The following NUMA1 variants were observed in gnomAD, a reference collection of about 807,000 sequenced individuals.
The protein encoded by NUMA1 is SP-H antigen.
In NUMA1, 62 loss-of-function variants were observed where a neutral mutation model predicts 237.1. That is an observed-to-expected ratio of 0.26 (90% CI 0.21 to 0.32). The LOEUF is 0.32. Among genes scored for constraint, NUMA1 ranks in the 10% least tolerant of loss-of-function variants. The pLI, the probability that NUMA1 is intolerant of heterozygous loss-of-function variation, is 1.00. For missense variants in NUMA1, 2,533 were observed against 2,666.5 expected (o/e 0.95, Z 1.10); for synonymous variants, 1,028 against 1,066.1 (o/e 0.96, Z 0.70).
intron 4 of NUMA1, among the ~76,000 whole-genome samples, chr11:72,026,571 T>C (rs1432746329): frequency 6.6e-6 from 1 of 152,154 alleles, no homozygotes; most frequent in African/African-American, 2.4e-5. Flanking sequence ...GTCAGAGGGG[T>C]TGATCCCAGT....
intron 7 of NUMA1, 45 bp downstream of exon 7, chr11:72,022,294 G>C: frequency 1.5e-6 from 2 of 1,330,388 alleles, no homozygotes; most frequent in South Asian, 1.2e-5. Context: ...GTGAGGTGAA[G>C]CATGGGCTAG....
At position 72,004,030 on chromosome 11, in the gene NUMA1, G is replaced by A. The variant is rs369599832; in HGVS notation, c.6193C>T (p.Arg2065Trp). Residue 2065 changes from arginine (R) to tryptophan (W), a missense_variant, in exon 26 of 27, where the codon CGG becomes TGG. By Grantham distance (101) the Arg-to-Trp change is moderately radical. Around this residue, in one of 3 missense-constraint regions of NUMA1, gnomAD observed 795 missense variants for 750.8 expected, o/e 1.06. Coordinates refer to ENST00000393695, the MANE Select transcript of NUMA1 (RefSeq NM_006185.4). ...TPKKLGNSLL[R>W]RGASKKALSK... Reference sequence around the variant, plus strand: ...AGGGCCTTCTTTGAGGCTCCCCGCCGCAGAAGGCTGTTCCCTAGCTTCTTG... The same window carrying A: ...AGGGCCTTCTTTGAGGCTCCCCGCCACAGAAGGCTGTTCCCTAGCTTCTTG... The A allele has an allele frequency of 1.9e-5, 31 of 1,613,490 alleles. No individual in the cohort carries two copies. The highest frequency in any genetic ancestry group is 2.2e-5 in the East Asian group (1 of 44,882).
rs565853894 is a variant in NUMA1 at position 72,024,301 on chromosome 11, G to A, written c.181C>T (p.Leu61=). 18 of 1,614,220 alleles carry A rather than the reference G, an allele frequency of 1.1e-5. No individual in the cohort carries two copies. The highest frequency in any genetic ancestry group is 8.0e-5 in the African/African-American group (6 of 75,062). The change falls in exon 5 of 27, where the codon CTG becomes TTG. Residue 61 remains leucine (L), a synonymous_variant. Coordinates refer to ENST00000393695, the MANE Select transcript of NUMA1 (RefSeq NM_006185.4). ...QILKQPVSER[L]DFVCSFLQKN... ...TGCAGAAAACTGCACACAAAGTCCA[G>A]TCTCTCTGACACCGGCTGCTTCAAG...
intron 24 of NUMA1, 65 bp downstream of exon 24, chr11:72,004,575 C>T: frequency 2.6e-6 from 4 of 1,528,274 alleles, no homozygotes; most frequent in Admixed American, 1.9e-5. Flanking sequence ...TCCCTTTAGT[C>T]CTTGGTGAGC....
At chr11:72,017,310 C>G (rs1300972909) in intron 13 of NUMA1, 3 of 305,124 alleles carry the variant, frequency 9.8e-6, no homozygotes, top group African/African-American at 6.5e-5. Context: ...CTTTACACTA[C>G]ACGATGTGTG....
intron 20 of NUMA1, 118 bp from the exon 21 acceptor site, chr11:72,007,553 ATC>A (rs956701134): frequency 7.7e-6 from 10 of 1,292,138 alleles, no homozygotes; most frequent in East Asian, 5.0e-5. Context: ...CAAGCAGCCC[ATC>A]TCTCTGATTT....
At chr11:72,035,349 T>C (rs1242035895) in intron 3 of NUMA1, among the ~76,000 whole-genome samples, 2 of 151,924 alleles carry the variant, frequency 1.3e-5, no homozygotes, top group Non-Finnish European at 2.9e-5. Flanking sequence ...TTAAAGGCCT[T>C]TGAAGACCAA....
Position 72,015,626 on chromosome 11 carries a change from A to T in NUMA1, c.1877T>A (p.Val626Glu), listed in dbSNP as rs1956477207. 3.7e-6 allele frequency: 6 copies of T among 1,613,678 alleles called. No individual in the cohort carries two copies. Among genetic ancestry groups the T allele is most frequent in the Non-Finnish European group, 5.1e-6 (6 of 1,180,010 alleles). The change falls in exon 15 of 27, where the codon GTG (valine) becomes GAG (glutamate). Residue 626 changes from valine (V) to glutamate (E), a missense_variant. Transcript: ENST00000393695. The surrounding 1 kb of genome is among the most constrained non-coding windows in gnomAD (Gnocchi z 4.0). ...GGCACTGTCCCGGGCTTCATTAGCC[A>T]CCTGAAGTTGCTGCTGCAGAATCTC... The part of the protein sequence containing the change: ...KLEILQQQLQ[V>E]ANEARDSAQT...
At chr11:72,040,171 G>A (rs1941493791) in intron 2 of NUMA1, among the ~76,000 whole-genome samples, 2 of 152,128 alleles carry the variant, frequency 1.3e-5, no homozygotes, top group Admixed American at 1.3e-4. Flanking sequence ...CATCTAAAGG[G>A]ACTAGCTTGG....
At chr11:72,022,770 A>G (rs1939056367) in intron 6 of NUMA1, among the ~76,000 whole-genome samples, 1 of 152,078 alleles carries the variant, frequency 6.6e-6, no homozygotes, top group Non-Finnish European at 1.5e-5. Flanking sequence ...ATATGGTGAT[A>G]GCCGAATGAG....
intron 2 of NUMA1, chr11:72,065,711 G>A (rs1337563215): frequency 6.6e-6 from 1 of 152,144 alleles, no homozygotes; most frequent in African/African-American, 2.4e-5. Flanking sequence ...ATAATGAAAA[G>A]CCTGCTCCTT....
intron 1 of NUMA1, among the ~76,000 whole-genome samples, chr11:72,077,991 C>T (rs1002334766): frequency 6.6e-6 from 1 of 152,092 alleles, no homozygotes; most frequent in Admixed American, 6.5e-5. Context: ...AGTAGACATA[C>T]ATGGGTAAAA....
intron 3 of NUMA1, among the ~76,000 whole-genome samples, chr11:72,034,902 G>A (rs966410341): frequency 7.9e-5 from 12 of 151,992 alleles, no homozygotes; most frequent in African/African-American, 1.5e-4. Flanking sequence ...TGTCGCCCAC[G>A]CTGGAATGCA....
chr11:72,056,446 C>T (rs1942648057), intron 2 of NUMA1, among the ~76,000 whole-genome samples: 2 of 151,322 alleles, frequency 1.3e-5, no homozygotes, highest in Non-Finnish European at 2.9e-5. Context: ...CTCAACCTGC[C>T]AAGTAGCTGG....
chr11:72,018,437 C>G lies in NUMA1; in HGVS notation c.819G>C (p.Leu273=). Residue 273 remains leucine, a synonymous_variant, in exon 11 of 27, where the codon CTG becomes CTC. Transcript: ENST00000393695. ...LLNEKQAASP[L]EPKELEELRD... ...GCAGCTCCTCAAGCTCCTTGGGCTC[C>G]AGTGGGCTGGCCGCCTGCTTCTCAT... 1 of 1,614,164 alleles carries G rather than the reference C, an allele frequency of 6.2e-7. No individual in the cohort carries two copies. Among genetic ancestry groups the G allele is most frequent in the Non-Finnish European group, 8.5e-7 (1 of 1,180,032 alleles).
intron 22 of NUMA1, chr11:72,005,804 G>T (rs893135446): frequency 5.3e-6 from 3 of 563,630 alleles, no homozygotes; most frequent in African/African-American, 3.8e-5. Context: ...TGTCACAATT[G>T]TGCTGGGAAT....
rs374633222 is a variant in NUMA1, at chr11:72,010,867, G to A, written c.4651-13C>T. 9.7e-5 allele frequency: 156 copies of A among 1,613,156 alleles called. 1 individual carries two copies. The South Asian group carries it at 1.3e-3, about 13-fold the overall frequency. On this transcript the variant is annotated splice_polypyrimidine_tract_variant and intron_variant, in intron 16 of 26. Transcript: ENST00000393695. ...TCAGTTCTTCCACCTGGGGAGGGAA[G>A]AGGAGGACAGAAGACTCAGGAGGAC...
chr11:72,039,373 G>A (rs1941410001), intron 2 of NUMA1, among the ~76,000 whole-genome samples: 1 of 152,238 alleles, frequency 6.6e-6, no homozygotes, highest in South Asian at 2.1e-4. Context: ...CCCGCCCTTG[G>A]CCTGGGTGCC....
At chr11:72,010,400 C>A (rs1956067367) in intron 17 of NUMA1, among the ~76,000 whole-genome samples, 1 of 152,212 alleles carries the variant, frequency 6.6e-6, no homozygotes, top group Non-Finnish European at 1.5e-5. Context: ...TTACATTGTC[C>A]AAAAGAACTT....
Sources: gnomAD v4.1 joint callset for allele counts (sites outside exome capture counted in the v4.1 genomes callset) on GRCh38, gnomAD v4.1.1 for gene constraint, gnomAD v4.1.1 regional missense constraint, Gnocchi (gnomAD v3.1) non-coding constraint, MANE v1.5 for transcripts, NCBI Gene and HGNC (gene_info 2026-07-23, HGNC 2026-07-21) for gene names.